The following CBLB variants were observed in gnomAD, a reference collection of about 807,000 sequenced individuals.
CBLB encodes E3 ubiquitin-protein ligase CBL-B.
Under a neutral mutation model 104.9 loss-of-function variants are expected in CBLB, and 31 were observed. That is an observed-to-expected ratio of 0.30 (90% CI 0.22 to 0.40). CBLB has a LOEUF of 0.40. CBLB is among the 10% of genes least tolerant of loss of function. The pLI, the probability that CBLB is intolerant of heterozygous loss-of-function variation, is 1.00. For missense variants in CBLB, 1,062 were observed against 1,214.6 expected (o/e 0.87, Z 1.87); for synonymous variants, 440 against 422.6 (o/e 1.04, Z -0.51).
At position 105,656,127 on chromosome 3, in the gene CBLB, G is replaced by A. The variant is rs564707240; in HGVS notation, c.*2843C>T. ...TTGGTGAGATATATCATACATTAGG[G>A]GATAAAACAGATTATGGAGATAAAT... On this transcript the variant is annotated 3_prime_UTR_variant, in exon 19 of 19. Transcript: ENST00000394030. 9.1e-6 allele frequency: 2 copies of A among 220,600 alleles called. No individual in the cohort carries two copies. The highest frequency in any genetic ancestry group is 1.8e-5 in the Non-Finnish European group (2 of 110,158). 13.7% of individuals were successfully genotyped at this position (220,600 alleles called of 1,614,324 possible).
rs146437044 is a variant in CBLB, at chr3:105,825,303, T to C, written c.419+28111A>G. On this transcript the variant is annotated intron_variant, in intron 3 of 18. Coordinates refer to ENST00000394030, the MANE Select transcript of CBLB (RefSeq NM_170662.5). ...TGGGATAACTATCTCCTTAAACCTA[T>C]CTTCCACTCCAAATTCCCATCTCCT... Among the ~76,000 whole-genome samples, 357 of 152,250 alleles carry C rather than the reference T, an allele frequency of 2.3e-3. 2 individuals carry two copies. The highest frequency in any genetic ancestry group is 8.4e-3 in the African/African-American group (349 of 41,536).
At chr3:105,812,621 G>GA (rs1438089828) in intron 3 of CBLB, among the ~76,000 whole-genome samples, 2 of 152,106 alleles carry the variant, frequency 1.3e-5, no homozygotes, top group East Asian at 3.9e-4. Context: ...AAAGGGACTG[G>GA]AAAAAAGAGT....
intron 18 of CBLB, among the ~76,000 whole-genome samples, chr3:105,668,798 CG>C (rs1319622314): frequency 6.6e-6 from 1 of 152,074 alleles, no homozygotes; most frequent in Non-Finnish European, 1.5e-5. Context: ...GCATCGAGCA[CG>C]TAAGAACTAC....
intron 11 of CBLB, among the ~76,000 whole-genome samples, chr3:105,703,049 T>C (rs2069485652): frequency 6.6e-6 from 1 of 152,224 alleles, no homozygotes; most frequent in Non-Finnish European, 1.5e-5. Flanking sequence ...TTCAATTTTA[T>C]GAATTCTTAC....
intron 3 of CBLB, among the ~76,000 whole-genome samples, chr3:105,828,517 C>T (rs971109): frequency 0.91 from 137,964 of 152,234 alleles, 62,889 homozygotes; most frequent in Non-Finnish European, 0.96. Flanking sequence ...TTAAGATAGA[C>T]GCCAAAATAC....
chr3:105,765,170 C>T (rs1338412342), intron 4 of CBLB, among the ~76,000 whole-genome samples: 1 of 152,056 alleles, frequency 6.6e-6, no homozygotes, highest in African/African-American at 2.4e-5. Context: ...GATGAAACAG[C>T]CTTAAGATGA....
At chr3:105,727,837 A>G (rs2152843651) in intron 9 of CBLB, among the ~76,000 whole-genome samples, 1 of 152,268 alleles carries the variant, frequency 6.6e-6, no homozygotes. Context: ...AGGTTTATCA[A>G]AGATCAGATG....
At chr3:105,664,809 G>A (rs1013173946) in intron 18 of CBLB, among the ~76,000 whole-genome samples, 2 of 152,064 alleles carry the variant, frequency 1.3e-5, no homozygotes, top group African/African-American at 2.4e-5. Flanking sequence ...GAAATTTCTA[G>A]TACAGTTTTA....
chr3:105,680,944 A>G (rs1159543483), intron 16 of CBLB: 2 of 159,224 alleles, frequency 1.3e-5, no homozygotes, highest in African/African-American at 4.8e-5. Flanking sequence ...ACAAAAATAC[A>G]CATAGGATGT....
At chr3:105,719,426 C>T (rs2072429157) in intron 10 of CBLB, among the ~76,000 whole-genome samples, 1 of 152,100 alleles carries the variant, frequency 6.6e-6, no homozygotes. Context: ...GTAGTTGTGC[C>T]CTGCACAATG....
intron 17 of CBLB, chr3:105,674,022 G>C (rs1276761812): frequency 6.6e-6 from 1 of 152,178 alleles, no homozygotes; most frequent in Non-Finnish European, 1.5e-5. Flanking sequence ...GAAGGCTTGT[G>C]ACCACTGAGT....
rs745863983 is a variant in CBLB, at chr3:105,776,398, G to A, written c.564C>T (p.Asp188=). ...CTATAAAAATGATTTTTACTTACTT[G>A]TCTCCAAAAAACTTTCTCCAGAATT... The part of the protein sequence containing the change: ...AAEFWRKFFG[D]KTIVPWKVFR... Residue 188 remains aspartate (D), a splice_region_variant and synonymous_variant, in exon 4 of 19, where the codon GAC becomes GAT. Coordinates refer to ENST00000394030, the MANE Select transcript of CBLB (RefSeq NM_170662.5). 1 of 1,613,104 alleles carries A rather than the reference G, an allele frequency of 6.2e-7. No individual in the cohort carries two copies. Among genetic ancestry groups the A allele is most frequent in the Admixed American group, 1.7e-5 (1 of 59,994 alleles).
rs78129630 is a variant in CBLB, at chr3:105,797,578, T to C, written c.420-21036A>G. Among the ~76,000 whole-genome samples the C allele has an allele frequency of 6.5e-3, 994 of 152,254 alleles. 32 individuals carry two copies. Among genetic ancestry groups the C allele is most frequent in the East Asian group, 0.053 (273 of 5,190 alleles). Reference sequence around the variant, plus strand: ...TACCTGTATAACAAACCTACATATTTACTCCTGAACCTAAAATAAAGGTTA... The same window carrying C: ...TACCTGTATAACAAACCTACATATTCACTCCTGAACCTAAAATAAAGGTTA... On this transcript the variant is annotated intron_variant, in intron 3 of 18. Transcript: ENST00000394030.
At chr3:105,786,526 T>C (rs908772891) in intron 3 of CBLB, among the ~76,000 whole-genome samples, 2 of 152,154 alleles carry the variant, frequency 1.3e-5, no homozygotes, top group Non-Finnish European at 2.9e-5. Context: ...ACCAATCTTC[T>C]AAAAAGTGTT....
At position 105,770,015 on chromosome 3, in the gene CBLB, C is replaced by A. The variant is rs1469551247; in HGVS notation, c.566+6381G>T. Among the ~76,000 whole-genome samples the A allele has an allele frequency of 2.0e-5, 3 of 151,260 alleles. No homozygotes were observed. In the Admixed American group the frequency reaches 2.0e-4, roughly 10 times the overall value. On this transcript the variant is annotated intron_variant, in intron 4 of 18. Transcript: ENST00000394030. ...TGTAAGAAGATTCAAGAGTTAGAAT[C>A]TGTGTTTCTAATTGAATTATAATTT...
At chr3:105,859,528 G>A (rs6793018) in intron 2 of CBLB, among the ~76,000 whole-genome samples, 13,841 of 151,932 alleles carry the variant, frequency 0.091, 724 homozygotes, top group Admixed American at 0.12. Context: ...GGTGGCAGGC[G>A]CCTGTAGTCC....
intron 2 of CBLB, among the ~76,000 whole-genome samples, chr3:105,856,271 A>G (rs2091588994): frequency 6.7e-6 from 1 of 149,090 alleles, no homozygotes; most frequent in Non-Finnish European, 1.5e-5. Flanking sequence ...AATCACTTGA[A>G]CCCGGGAGGC....
At chr3:105,696,126 G>C (rs2068351960) in intron 12 of CBLB, among the ~76,000 whole-genome samples, 1 of 151,328 alleles carries the variant, frequency 6.6e-6, no homozygotes, top group Admixed American at 6.6e-5. Context: ...CTTAATGGCT[G>C]TTATTCCTAT....
At chr3:105,831,574 C>T (rs961371291) in intron 3 of CBLB, among the ~76,000 whole-genome samples, 1 of 152,186 alleles carries the variant, frequency 6.6e-6, no homozygotes, top group Non-Finnish European at 1.5e-5. Flanking sequence ...TCAGAAAATG[C>T]TTCAAGAATG....
Sources: allele counts gnomAD v4.1 joint callset (sites outside exome capture counted in the v4.1 genomes callset), GRCh38; gene constraint gnomAD v4.1.1; transcripts MANE v1.5; gene names NCBI Gene and HGNC (gene_info 2026-07-23, HGNC 2026-07-21).